ATXN7: variants seen among roughly 807,000 people sequenced by gnomAD.
ATXN7 encodes the protein ataxin-7.
In ATXN7, 12 loss-of-function variants were observed where a neutral mutation model predicts 70.5. The ratio of observed to expected loss-of-function variants is 0.17; its 90% CI spans 0.11 to 0.28. ATXN7 has a LOEUF of 0.28. ATXN7 is among the 10% of genes least tolerant of loss of function. The probability of loss-of-function intolerance (pLI) is 1.00; values close to 1 mark genes in which losing one functional copy is unlikely to be tolerated. For synonymous variants in ATXN7, 498 were observed against 448.7 expected (o/e 1.11, Z -1.39); for missense variants, 1,256 against 1,131.7 (o/e 1.11, Z -1.58).
chr3:63,909,358 G>C (rs951115055), intron 2 of ATXN7, among the ~76,000 whole-genome samples: 2 of 152,128 alleles, frequency 1.3e-5, no homozygotes, highest in African/African-American at 2.4e-5. Flanking sequence ...TTGGGCTCAG[G>C]AGTTTGAGAC....
intron 1 of ATXN7, among the ~76,000 whole-genome samples, chr3:63,871,206 A>G: frequency 6.6e-6 from 1 of 152,198 alleles, no homozygotes. Context: ...TTATTTGGGT[A>G]TTGTAGGATT....
intron 5 of ATXN7, among the ~76,000 whole-genome samples, chr3:63,960,668 G>A (rs1336402603): frequency 1.3e-5 from 2 of 152,170 alleles, no homozygotes; most frequent in African/African-American, 4.8e-5. Flanking sequence ...GGCTCAAGCA[G>A]CTGGATGAAT....
chr3:63,972,382 G>A lies in ATXN7; in HGVS notation c.500-7533G>A, dbSNP rs140168146. 4.5e-4 allele frequency among the ~76,000 whole-genome samples: 69 copies of A among 152,316 alleles called. 1 individual carries two copies. The East Asian group carries it at 0.01, about 23-fold the overall frequency. ...GAATGGAGCTGTCAGAAGGCATGAA[G>A]TCATGCATTCCTTGAAGCATGCATT... On this transcript the variant is annotated intron_variant, in intron 5 of 12. Coordinates refer to ENST00000674280, the MANE Select transcript of ATXN7 (RefSeq NM_001377405.1).
At chr3:63,998,544 T>G in intron 12 of ATXN7, 2 of 985,390 alleles carry the variant, frequency 2.0e-6, no homozygotes, top group Non-Finnish European at 2.4e-6. Context: ...TTGGGCTTTT[T>G]CCTTAAAATC....
chr3:63,966,003 CA>C (rs1445239397), intron 5 of ATXN7, among the ~76,000 whole-genome samples: 1 of 152,148 alleles, frequency 6.6e-6, no homozygotes, highest in Non-Finnish European at 1.5e-5. Flanking sequence ...CATTTAAGAA[CA>C]TTTGCTAAAA....
At position 63,926,678 on chromosome 3, in the gene ATXN7, C is replaced by T. The variant is rs181878435; in HGVS notation, c.394+13453C>T. On this transcript the variant is annotated intron_variant, in intron 4 of 12. Transcript: ENST00000674280. ...GCTTTTTCCCACTCCTCAGTTCTTG[C>T]ATATGCTCTTCCCACTGACGGGCTA... 8.1e-3 allele frequency among the ~76,000 whole-genome samples: 1,230 copies of T among 152,280 alleles called. 5 individuals are homozygous for T. Among genetic ancestry groups the T allele is most frequent in the Non-Finnish European group, 0.011 (720 of 68,030 alleles).
intron 4 of ATXN7, among the ~76,000 whole-genome samples, chr3:63,940,775 C>G (rs1383070135): frequency 3.9e-5 from 6 of 152,174 alleles, no homozygotes; most frequent in Non-Finnish European, 8.8e-5. Context: ...CAAAACCAAG[C>G]TAAGTGGTAG....
At chr3:63,916,136 C>G (rs182189461) in intron 4 of ATXN7, among the ~76,000 whole-genome samples, 4 of 152,312 alleles carry the variant, frequency 2.6e-5, no homozygotes, top group Admixed American at 6.5e-5. Context: ...AATATACTTT[C>G]CCTCTTTGGA....
chr3:63,967,275 C>T (rs1360551424), intron 5 of ATXN7, among the ~76,000 whole-genome samples: 2 of 152,122 alleles, frequency 1.3e-5, no homozygotes. Flanking sequence ...GAACAACAAA[C>T]TGGACAAATG....
intron 10 of ATXN7, 33 bp downstream of exon 10, chr3:63,990,407 C>A (rs1259667668): frequency 6.2e-6 from 10 of 1,611,164 alleles, no homozygotes; most frequent in Non-Finnish European, 8.5e-6. Flanking sequence ...CGTTGACCCT[C>A]CCCACACAGC....
chr3:63,988,036 T>G, intron 8 of ATXN7, 23 bp from the exon 9 acceptor site: 1 of 1,607,912 alleles, frequency 6.2e-7, no homozygotes, highest in Non-Finnish European at 8.5e-7. Flanking sequence ...ATTCCTCAGT[T>G]TCTGTATTTT....
intron 6 of ATXN7, 198 bp downstream of exon 6, chr3:63,980,365 A>G: frequency 1.5e-6 from 1 of 683,054 alleles, no homozygotes; most frequent in Non-Finnish European, 2.4e-6. Flanking sequence ...CAGTGATAAT[A>G]AGGTTACTAA....
At chr3:63,888,988 T>C (rs897794619) in intron 1 of ATXN7, among the ~76,000 whole-genome samples, 3 of 152,206 alleles carry the variant, frequency 2.0e-5, no homozygotes, top group Non-Finnish European at 2.9e-5. Context: ...TAAAAGAATA[T>C]GATAAAATTT....
chr3:63,982,215 T>G lies in ATXN7; in HGVS notation c.782T>G (p.Ile261Ser). ...IMTPSVKVEK[I>S]HPKMDGTLLK... is the part of the protein sequence containing the mutation. ...ACACCCTCTGTGAAAGTGGAAAAGA[T>G]TCATCCGAAAATGGATGGCACACTA... is the stretch of plus-strand genomic sequence containing the variant. The change falls in exon 7 of 13, where the codon ATT becomes AGT. Residue 261 changes from isoleucine to serine, a missense_variant. Coordinates refer to ENST00000674280, the MANE Select transcript of ATXN7 (RefSeq NM_001377405.1). The G allele has an allele frequency of 1.2e-6, 2 of 1,614,128 alleles. No individual in the cohort carries two copies. Among genetic ancestry groups the G allele is most frequent in the Admixed American group, 1.7e-5 (1 of 60,000 alleles).
At chr3:63,985,814 G>T (rs13078154) in intron 8 of ATXN7, among the ~76,000 whole-genome samples, 1 of 152,084 alleles carries the variant, frequency 6.6e-6, no homozygotes, top group Admixed American at 6.5e-5. Context: ...TTTTTATTAC[G>T]TACATCTGTG....
chr3:63,933,397 G>A (rs2107346278), intron 4 of ATXN7, among the ~76,000 whole-genome samples: 1 of 152,238 alleles, frequency 6.6e-6, no homozygotes, highest in African/African-American at 2.4e-5. Context: ...ATTAATTGTA[G>A]GCTTCCTGGT....
rs945125093 is a variant in ATXN7 at position 63,982,276 on chromosome 3, T to C, written c.843T>C (p.Thr281=). 3.7e-6 allele frequency: 6 copies of C among 1,614,088 alleles called. No homozygotes were observed. Among genetic ancestry groups the C allele is most frequent in the Non-Finnish European group, 5.1e-6 (6 of 1,180,044 alleles). ...KSAVGPTCPA[T]VSSLVKPGLN... ...CGGTGGGGCCAACCTGTCCTGCTAC[T>C]GTGAGTTCCTTAGTCAAGCCTGGCC... The change falls in exon 7 of 13, where the codon ACT becomes ACC. Residue 281 remains threonine, a synonymous_variant. Transcript: ENST00000674280.
chr3:63,965,489 A>G (rs1386043051), intron 5 of ATXN7, among the ~76,000 whole-genome samples: 2 of 152,162 alleles, frequency 1.3e-5, no homozygotes, highest in African/African-American at 4.8e-5. Context: ...TAAAATTGAC[A>G]TGTGTACACC....
At chr3:63,912,993 G>GC (rs1460244122) in intron 3 of ATXN7, 70 bp downstream of exon 3, 17 of 1,001,168 alleles carry the variant, frequency 1.7e-5, no homozygotes, top group South Asian at 2.7e-5. Context: ...CCTCCCCCCT[G>GC]CCCCCCTCCT....
Sources: gnomAD v4.1 joint callset for allele counts (sites outside exome capture counted in the v4.1 genomes callset) on GRCh38, gnomAD v4.1.1 for gene constraint, MANE v1.5 for transcripts, NCBI Gene and HGNC (gene_info 2026-07-23, HGNC 2026-07-21) for gene names.